PCDH15: variants seen among roughly 807,000 people sequenced by gnomAD.
PCDH15 encodes the protein protocadherin-15.
Under a neutral mutation model 178.5 loss-of-function variants are expected in PCDH15, and 129 were observed. That is an observed-to-expected ratio of 0.72 (90% CI 0.63 to 0.84). PCDH15 has a LOEUF of 0.84. Ranked by LOEUF, PCDH15 falls within the 40% of genes least tolerant of loss-of-function variation. The probability of loss-of-function intolerance (pLI) is 0.00; values close to 1 mark genes in which losing one functional copy is unlikely to be tolerated. For synonymous variants in PCDH15, 800 were observed against 732.0 expected, an observed-to-expected ratio of 1.09 and a Z score of -1.50; for missense variants, 2,230 against 2,099.9, an observed-to-expected ratio of 1.06 and a Z score of -1.21.
At chr10:54,204,763 C>A (rs933459933) in intron 10 of PCDH15, among the ~76,000 whole-genome samples, 1 of 152,004 alleles carries the variant, frequency 6.6e-6, no homozygotes, top group Non-Finnish European at 1.5e-5. Context: ...TATGAAGATA[C>A]GTGAAAATTA....
intron 1 of PCDH15, among the ~76,000 whole-genome samples, chr10:55,198,944 A>G (rs1401569177): frequency 6.6e-6 from 1 of 152,078 alleles, no homozygotes; most frequent in Non-Finnish European, 1.5e-5. Flanking sequence ...CAGAACTGTG[A>G]ATCAATTAAA....
At chr10:54,094,019 T>A (rs892410581) in intron 15 of PCDH15, among the ~76,000 whole-genome samples, 3 of 152,182 alleles carry the variant, frequency 2.0e-5, no homozygotes, top group African/African-American at 7.2e-5. Flanking sequence ...AGCAGTTATC[T>A]TTCTGGGGCT....
At chr10:54,048,116 T>C (rs1165817424) in intron 18 of PCDH15, among the ~76,000 whole-genome samples, 1 of 152,178 alleles carries the variant, frequency 6.6e-6, no homozygotes, top group Non-Finnish European at 1.5e-5. Flanking sequence ...TGGTGTGAGA[T>C]GGTATCTCAT....
chr10:54,208,289 G>A (rs2051038751), intron 10 of PCDH15, among the ~76,000 whole-genome samples: 1 of 151,942 alleles, frequency 6.6e-6, no homozygotes, highest in Non-Finnish European at 1.5e-5. Context: ...CCTGGCTATT[G>A]GGGTAGAAAA....
chr10:53,973,507 C>G (rs919892575), intron 21 of PCDH15, among the ~76,000 whole-genome samples: 2 of 152,046 alleles, frequency 1.3e-5, no homozygotes, highest in African/African-American at 4.8e-5. Context: ...TATTTCTTTT[C>G]TATATCATTT....
At chr10:54,016,161 G>GA (rs1161013453) in intron 20 of PCDH15, among the ~76,000 whole-genome samples, 3 of 151,502 alleles carry the variant, frequency 2.0e-5, no homozygotes, top group Admixed American at 6.6e-5. Context: ...ACAAGGATAT[G>GA]AAAAAATGCT....
At chr10:54,571,479 T>C (rs1204933184) in intron 2 of PCDH15, among the ~76,000 whole-genome samples, 1 of 152,056 alleles carries the variant, frequency 6.6e-6, no homozygotes. Context: ...AATTAATATA[T>C]TACCTTCACA....
chr10:55,085,333 A>C (rs577418487), intron 2 of PCDH15, among the ~76,000 whole-genome samples: 1 of 152,102 alleles, frequency 6.6e-6, no homozygotes, highest in South Asian at 2.1e-4. Flanking sequence ...ATGGAGACAG[A>C]GAGTAGAATG....
intron 8 of PCDH15, among the ~76,000 whole-genome samples, chr10:54,304,529 A>G (rs944749146): frequency 1.3e-5 from 2 of 152,098 alleles, no homozygotes; most frequent in Non-Finnish European, 2.9e-5. Context: ...AGGGATAGGA[A>G]AAAACGTCCT....
chr10:53,871,681 T>C (rs902091718), intron 26 of PCDH15, among the ~76,000 whole-genome samples: 7 of 152,164 alleles, frequency 4.6e-5, no homozygotes, highest in Admixed American at 6.5e-5. Flanking sequence ...ACTCTACTTT[T>C]CTTAATTTTC....
At chr10:54,703,289 C>T (rs1329444338) in intron 1 of PCDH15, among the ~76,000 whole-genome samples, 1 of 151,952 alleles carries the variant, frequency 6.6e-6, no homozygotes, top group Non-Finnish European at 1.5e-5. Context: ...TGAGCAAAAG[C>T]AGGAAGTGTC....
chr10:53,840,639 T>A (rs2077587168), intron 28 of PCDH15, 143 bp from the exon 29 acceptor site: 10 of 786,138 alleles, frequency 1.3e-5, no homozygotes, highest in Non-Finnish European at 2.1e-5. Context: ...TATAAACCCT[T>A]GAAAAACATT....
chr10:53,831,253 G>C (rs2076998556), intron 30 of PCDH15, 62 bp downstream of exon 30: 1 of 1,459,094 alleles, frequency 6.9e-7, no homozygotes, highest in African/African-American at 1.4e-5. Context: ...CATGTTACCA[G>C]AGATGGTTTT....
intron 2 of PCDH15, among the ~76,000 whole-genome samples, chr10:55,375,890 A>C (rs567877824): frequency 6.6e-6 from 1 of 152,112 alleles, no homozygotes; most frequent in Non-Finnish European, 1.5e-5. Flanking sequence ...TTTACCACCA[A>C]TCTATATATC....
intron 1 of PCDH15, among the ~76,000 whole-genome samples, chr10:54,796,958 A>G (rs1358799229): frequency 6.6e-6 from 1 of 152,046 alleles, no homozygotes; most frequent in Admixed American, 6.6e-5. Context: ...GCATTTCCAT[A>G]AGGATTCAGT....
chr10:54,628,018 T>A (rs2093603893), intron 2 of PCDH15, among the ~76,000 whole-genome samples: 1 of 152,238 alleles, frequency 6.6e-6, no homozygotes, highest in Non-Finnish European at 1.5e-5. Context: ...AATTCTCATA[T>A]TTCCTCTTGA....
At chr10:55,411,024 A>C (rs1838318465) in intron 2 of PCDH15, among the ~76,000 whole-genome samples, 1 of 152,138 alleles carries the variant, frequency 6.6e-6, no homozygotes, top group Admixed American at 6.6e-5. Context: ...ATTTTAATAA[A>C]ATTGGGAGTA....
intron 25 of PCDH15, among the ~76,000 whole-genome samples, chr10:53,924,189 C>CT (rs2084265568): frequency 6.6e-6 from 1 of 152,128 alleles, no homozygotes; most frequent in Non-Finnish European, 1.5e-5. Context: ...GAGGGAGAGG[C>CT]GCAGGCGGGA....
chr10:54,558,002 C>A (rs114448044), intron 2 of PCDH15, among the ~76,000 whole-genome samples: 1 of 151,908 alleles, frequency 6.6e-6, no homozygotes, highest in African/African-American at 2.4e-5. Context: ...TCTGATATGA[C>A]AATAAATGAT....
Sources: allele counts gnomAD v4.1 joint callset (sites outside exome capture counted in the v4.1 genomes callset), GRCh38; gene constraint gnomAD v4.1.1; transcripts MANE v1.5; gene names NCBI Gene and HGNC (gene_info 2026-07-23, HGNC 2026-07-21).